Variants in ZAN observed in about 807,000 individuals in gnomAD.
The protein encoded by ZAN is zonadhesin (gene/pseudogene).
In ZAN, 260 loss-of-function variants were observed where a neutral mutation model predicts 286.2. The observed-to-expected ratio is 0.91, with a 90% CI of 0.82 to 1.01. ZAN has a LOEUF of 1.01. Ranked by LOEUF, ZAN falls within the 50% of genes least tolerant of loss-of-function variation. The pLI is 0.00. For synonymous variants in ZAN, 1,368 were observed against 1,417.5 expected (o/e 0.97, Z 0.79); for missense variants, 3,410 against 3,639.2 (o/e 0.94, Z 1.62).
chr7:100,756,428 C>CA lies in ZAN; in HGVS notation c.3309+1031dup, dbSNP rs111465837. 1.3e-3 allele frequency among the ~76,000 whole-genome samples: 183 copies of CA among 141,868 alleles called. 1 individual carries two copies. The highest frequency in any genetic ancestry group is 2.7e-3 in the South Asian group (12 of 4,506). 93.1% of individuals were successfully genotyped at this position (141,868 alleles called of 152,430 possible). A position where few individuals can be genotyped will look rare whatever the true frequency, so the allele number is the denominator to read the frequency against. ...TGGGCGACAGAGTGACACCCTGTCT[C>CA]AAAAAAAAAAAAAGAAAAGTGCATT... is the stretch of plus-strand genomic sequence containing the variant. On this transcript the variant is annotated intron_variant, in intron 15 of 47. Transcript: ENST00000613979.
Position 100,738,541 on chromosome 7 carries a change from A to C in ZAN, c.694A>C (p.Lys232Gln). Residue 232 changes from lysine to glutamine, a missense_variant, in exon 7 of 48, where the codon AAG (lysine) becomes CAG (glutamine). Around this residue, in one of 7 missense-constraint regions of ZAN, gnomAD observed 872 missense variants for 938.9 expected, o/e 0.93. Coordinates refer to ENST00000613979, the MANE Select transcript of ZAN (RefSeq NM_003386.3). ...CTGGATCCCAACTGCCTCCGGGGCC[A>C]AGTGGACTCAGAAGAAAGGGTCATC... The part of the protein sequence containing the change: ...WTWIPTASGA[K>Q]WTQKKGSSGK... 1.3e-6 allele frequency: 2 copies of C among 1,511,218 alleles called. No homozygotes were observed. Among genetic ancestry groups the C allele is most frequent in the African/African-American group, 2.8e-5 (2 of 71,060 alleles). 93.6% of individuals were successfully genotyped at this position (1,511,218 alleles called of 1,614,324 possible).
At position 100,736,073 on chromosome 7, in the gene ZAN, TAGGG is replaced by T. The variant is rs1807273947; in HGVS notation, c.106+305_106+308del. On this transcript the variant is annotated intron_variant, in intron 3 of 47. Coordinates refer to ENST00000613979, the MANE Select transcript of ZAN (RefSeq NM_003386.3). ...GGCTCACACCTGTCATCCCAACACT[TAGGG>T]AGGCCAAGGTGGGAGGATGGCTTGA... Among the ~76,000 whole-genome samples, 3 of 141,454 alleles carry T rather than the reference TAGGG, an allele frequency of 2.1e-5. 1 individual carries two copies. Among genetic ancestry groups the T allele is most frequent in the African/African-American group, 7.7e-5 (3 of 38,866 alleles). The allele number at this position is 141,454 out of a possible 152,430, so 92.8% of individuals were successfully genotyped here.
At position 100,784,770 on chromosome 7, in the gene ZAN, G is replaced by C; in HGVS notation, c.6770G>C (p.Ser2257Thr). Residue 2257 changes from serine to threonine, a missense_variant, in exon 36 of 48, where the codon AGT becomes ACT. By Grantham distance (58) the Ser-to-Thr change is moderately conservative. Transcript: ENST00000613979. ...GCICQPGYVLSEDKCVPRSQC... is the reference protein window; with the variant it reads ...GCICQPGYVLTEDKCVPRSQC... ...ATTTGTCAGCCCGGCTATGTGCTGA[G>C]TGAAGACAAGTGTGTCCCCAGAAGT... is the stretch of plus-strand genomic sequence containing the variant. The C allele has an allele frequency of 6.2e-7, 1 of 1,613,600 alleles. No homozygotes were observed. Among genetic ancestry groups the C allele is most frequent in the Middle Eastern group, 1.7e-4 (1 of 6,056 alleles).
chr7:100,790,859 G>A, intron 39 of ZAN, 83 bp from the exon 40 acceptor site: 3 of 1,412,882 alleles, frequency 2.1e-6, no homozygotes, highest in Non-Finnish European at 1.9e-6. Context: ...CTCCAGCCTG[G>A]GCAACAGAGC....
intron 7 of ZAN, among the ~76,000 whole-genome samples, chr7:100,744,283 C>G (rs1808021466): frequency 6.6e-6 from 1 of 151,088 alleles, no homozygotes; most frequent in Admixed American, 6.6e-5. Flanking sequence ...CTGATCTTTC[C>G]TGCTGCCTAA....
chr7:100,744,397 G>A (rs1226370909), intron 7 of ZAN, among the ~76,000 whole-genome samples: 2 of 149,176 alleles, frequency 1.3e-5, no homozygotes, highest in African/African-American at 2.5e-5. Flanking sequence ...TCAGGAGTCC[G>A]AGACCAGCCT....
chr7:100,796,540 C>T (rs1812377056), intron 45 of ZAN, among the ~76,000 whole-genome samples: 1 of 151,728 alleles, frequency 6.6e-6, no homozygotes, highest in Non-Finnish European at 1.5e-5. Context: ...TCTCAGCCTC[C>T]TGAGTAGCTG....
At position 100,776,489 on chromosome 7, in the gene ZAN, T is replaced by G; in HGVS notation, c.6242T>G (p.Met2081Arg). 1 of 1,599,526 alleles carries G rather than the reference T, an allele frequency of 6.3e-7. No homozygotes were observed. The highest frequency in any genetic ancestry group is 1.1e-5 in the South Asian group (1 of 88,070). Residue 2081 changes from methionine to arginine, a missense_variant, in exon 34 of 48, where the codon ATG becomes AGG. Around this residue, in one of 7 missense-constraint regions of ZAN, gnomAD observed 1,289 missense variants for 1,314.3 expected, o/e 0.98. Coordinates refer to ENST00000613979, the MANE Select transcript of ZAN (RefSeq NM_003386.3). Reference protein sequence around the residue: ...NFNDEEEDELMMPSDEVANSD... With the variant: ...NFNDEEEDELRMPSDEVANSD... ...AATGATGAGGAAGAGGACGAACTAATGATGCCCAGCGATGAAGTAGCAAAT... is the reference window on the plus strand; with the variant it reads ...AATGATGAGGAAGAGGACGAACTAAGGATGCCCAGCGATGAAGTAGCAAAT...
chr7:100,795,666 G>A (rs1812313383), intron 45 of ZAN, among the ~76,000 whole-genome samples: 1 of 151,890 alleles, frequency 6.6e-6, no homozygotes, highest in Non-Finnish European at 1.5e-5. Flanking sequence ...CAGCACTTTG[G>A]GAGGCTGAGG....
intron 45 of ZAN, among the ~76,000 whole-genome samples, chr7:100,796,984 A>C (rs1392422549): frequency 6.6e-6 from 1 of 152,134 alleles, no homozygotes; most frequent in Non-Finnish European, 1.5e-5. Flanking sequence ...AAAAATCACG[A>C]AAATTAACCG....
At chr7:100,760,288 G>T in intron 18 of ZAN, 103 bp from the exon 19 acceptor site, 1 of 1,463,632 alleles carries the variant, frequency 6.8e-7, no homozygotes, top group South Asian at 1.3e-5. Context: ...TTGTTAGGCC[G>T]CTGTGGATGG....
At chr7:100,793,261 C>T (rs1191518461) in intron 42 of ZAN, among the ~76,000 whole-genome samples, 2 of 151,166 alleles carry the variant, frequency 1.3e-5, no homozygotes, top group African/African-American at 2.4e-5. Context: ...ATCATTGGAA[C>T]CCAGGAGTTG....
intron 37 of ZAN, among the ~76,000 whole-genome samples, chr7:100,786,674 G>A (rs564288677): frequency 2.6e-5 from 4 of 152,280 alleles, no homozygotes; most frequent in Admixed American, 1.3e-4. Flanking sequence ...GCCTCCTAAA[G>A]TGTTGGGATT....
In ZAN at chr7:100,772,017, T is replaced by C. The variant is rs776842542; in HGVS notation, c.5422T>C (p.Cys1808Arg). 4.8e-5 allele frequency: 77 copies of C among 1,592,360 alleles called. No individual in the cohort carries two copies. In the Middle Eastern group the frequency reaches 6.7e-4, roughly 14 times the overall value. The change falls in exon 29 of 48, where the codon TGC (cysteine) becomes CGC (arginine). Residue 1808 changes from cysteine to arginine, a missense_variant. By Grantham distance (180) the Cys-to-Arg change is radical (BLOSUM62 -3). Around this residue, in one of 7 missense-constraint regions of ZAN, gnomAD observed 1,289 missense variants for 1,314.3 expected, o/e 0.98. Transcript: ENST00000613979. ...QAPAWRNRTF[C>R]PMRCPPGSSY... The stretch of plus-strand genomic sequence containing the variant: ...CCCTGCCTGGCGGAACAGAACCTTC[T>C]GCCGTGAGTGACTGGCCACCTGTTC...
chr7:100,774,599 T>A (rs529710918), intron 31 of ZAN, among the ~76,000 whole-genome samples: 20 of 152,242 alleles, frequency 1.3e-4, no homozygotes, highest in Non-Finnish European at 2.8e-4. Context: ...GGAGGATCTC[T>A]TGAGCCCAGG....
chr7:100,795,778 C>T (rs547280624), intron 45 of ZAN, among the ~76,000 whole-genome samples: 2 of 151,716 alleles, frequency 1.3e-5, no homozygotes, highest in South Asian at 2.1e-4. Context: ...TGGTGGTGTG[C>T]GCCTGTAGTC....
intron 17 of ZAN, 115 bp downstream of exon 17, chr7:100,758,765 G>A: frequency 6.8e-7 from 1 of 1,464,188 alleles, no homozygotes; most frequent in South Asian, 1.3e-5. Flanking sequence ...GAAGAGGCAA[G>A]ATAGGAGCAA....
In ZAN at chr7:100,751,388, G is replaced by C. The variant is rs1197474157; in HGVS notation, c.1606+122G>C. 2.1e-5 allele frequency: 15 copies of C among 704,978 alleles called. No homozygotes were observed. The East Asian group carries it at 3.9e-4, about 19-fold the overall frequency. The allele number at this position is 704,978 out of a possible 1,614,324, so 43.7% of individuals were successfully genotyped here. A position where few individuals can be genotyped will look rare whatever the true frequency, so the allele number is the denominator to read the frequency against. ...CCCGAATTCTCACCCAGCTGGCTTTGTTTTCCATCTTCAACACACCTCTCC... is the reference window on the plus strand; with the variant it reads ...CCCGAATTCTCACCCAGCTGGCTTTCTTTTCCATCTTCAACACACCTCTCC... On this transcript the variant is annotated intron_variant, in intron 13 of 47. Coordinates refer to ENST00000613979, the MANE Select transcript of ZAN (RefSeq NM_003386.3).
Position 100,797,746 on chromosome 7 carries a change from G to A in ZAN, c.*14G>A. The A allele has an allele frequency of 8.1e-6, 13 of 1,613,818 alleles. No homozygotes were observed. The highest frequency in any genetic ancestry group is 1.0e-5 in the Non-Finnish European group (12 of 1,179,858). Reference sequence around the variant, plus strand: ...TGTGCCTGTTAAGTTGCTCAGTTTTGAGCTGTCTTCAGACAAGAAGATTAA... The same window carrying A: ...TGTGCCTGTTAAGTTGCTCAGTTTTAAGCTGTCTTCAGACAAGAAGATTAA... On this transcript the variant is annotated 3_prime_UTR_variant, in exon 48 of 48. Transcript: ENST00000613979.
Sources: allele counts gnomAD v4.1 joint callset (sites outside exome capture counted in the v4.1 genomes callset), GRCh38; gene constraint gnomAD v4.1.1; regional missense constraint gnomAD v4.1.1; transcripts MANE v1.5; gene names NCBI Gene and HGNC (gene_info 2026-07-23, HGNC 2026-07-21).